Variants in ICA1 observed in about 807,000 individuals in gnomAD.
ICA1 encodes 69 kDa islet cell autoantigen.
In ICA1, 40 loss-of-function variants were observed where a neutral mutation model predicts 71.0. That is an observed-to-expected ratio of 0.56 (90% CI 0.44 to 0.73). ICA1 has a LOEUF of 0.73. Ranked by LOEUF, ICA1 falls within the 30% of genes least tolerant of loss-of-function variation. The pLI, the probability that ICA1 is intolerant of heterozygous loss-of-function variation, is 0.00. For synonymous variants in ICA1, 207 were observed against 209.5 expected (o/e 0.99, Z 0.10); for missense variants, 578 against 576.5 (o/e 1.00, Z -0.03).
At chr7:8,218,840 T>A (rs1272111858) in intron 5 of ICA1, 1 of 383,084 alleles carries the variant, frequency 2.6e-6, no homozygotes, top group Non-Finnish European at 5.0e-6. Context: ...GGCCAAGGCA[T>A]GACCACTGCC....
intron 8 of ICA1, among the ~76,000 whole-genome samples, chr7:8,147,012 T>C (rs143661694): frequency 1.5e-3 from 230 of 151,998 alleles, no homozygotes; most frequent in East Asian, 4.7e-3. Context: ...AGACTCACTT[T>C]TAAATTTTGT....
chr7:8,180,479 CCGTGAACATTCTTGTGAATGTTTTA>C (rs1273323409), intron 6 of ICA1, among the ~76,000 whole-genome samples: 4 of 152,116 alleles, frequency 2.6e-5, no homozygotes, highest in Middle Eastern at 6.3e-3. Flanking sequence ...GAAAATACTG[CCGTGAACATTCTTGTGAATGTTTTA>C]CATGAACATT....
At chr7:8,240,015 G>A (rs570931608) in intron 1 of ICA1, among the ~76,000 whole-genome samples, 25 of 152,274 alleles carry the variant, frequency 1.6e-4, no homozygotes, top group African/African-American at 5.1e-4. Context: ...AGACTTAAAC[G>A]TCCCTGTCTG....
chr7:8,248,237 G>A (rs1285327345), intron 1 of ICA1, among the ~76,000 whole-genome samples: 1 of 152,164 alleles, frequency 6.6e-6, no homozygotes, highest in Non-Finnish European at 1.5e-5. Context: ...ACTGAGTCCA[G>A]AGTCGCTTTT....
intron 13 of ICA1, chr7:8,116,476 G>A (rs1049284045): frequency 2.0e-5 from 3 of 152,192 alleles, no homozygotes; most frequent in Admixed American, 1.3e-4. Flanking sequence ...TAGGAGATAT[G>A]CATCATCGAA....
chr7:8,224,374 A>T (rs995862114), intron 4 of ICA1, among the ~76,000 whole-genome samples: 20 of 152,174 alleles, frequency 1.3e-4, no homozygotes, highest in African/African-American at 4.6e-4. Flanking sequence ...ATCACGTCCT[A>T]TGTATAAGAA....
At chr7:8,153,653 T>C (rs1274044297) in intron 8 of ICA1, among the ~76,000 whole-genome samples, 4 of 152,082 alleles carry the variant, frequency 2.6e-5, no homozygotes, top group African/African-American at 9.7e-5. Flanking sequence ...TCATTTAGTA[T>C]TTTAAAATGC....
intron 8 of ICA1, among the ~76,000 whole-genome samples, chr7:8,146,284 G>A (rs991643078): frequency 6.6e-6 from 1 of 152,142 alleles, no homozygotes; most frequent in African/African-American, 2.4e-5. Flanking sequence ...AGAGCTAAAT[G>A]ACAAGAAGGA....
intron 6 of ICA1, among the ~76,000 whole-genome samples, chr7:8,165,586 C>A (rs1805620311): frequency 6.6e-6 from 1 of 152,196 alleles, no homozygotes; most frequent in Non-Finnish European, 1.5e-5. Context: ...GTCAAGCTAT[C>A]CCTGTTTGCA....
intron 5 of ICA1, among the ~76,000 whole-genome samples, chr7:8,219,693 C>T (rs185171670): frequency 3.3e-4 from 50 of 152,312 alleles, no homozygotes; most frequent in Admixed American, 1.2e-3. Context: ...TTAATACTCA[C>T]CTTTCATCAA....
chr7:8,140,344 T>C (rs1336399481), intron 10 of ICA1, among the ~76,000 whole-genome samples: 1 of 152,156 alleles, frequency 6.6e-6, no homozygotes, highest in Non-Finnish European at 1.5e-5. Flanking sequence ...TGGAGCATGG[T>C]TTCTCTGACT....
intron 6 of ICA1, among the ~76,000 whole-genome samples, chr7:8,204,236 A>T (rs17144906): frequency 0.12 from 18,786 of 152,188 alleles, 1,471 homozygotes; most frequent in East Asian, 0.46. Context: ...GTAACCTAAT[A>T]TCACACAAGG....
intron 1 of ICA1, among the ~76,000 whole-genome samples, chr7:8,251,560 A>C (rs981228246): frequency 5.9e-5 from 9 of 151,652 alleles, no homozygotes; most frequent in Admixed American, 2.6e-4. Flanking sequence ...ATCCTTTTCA[A>C]TGATTAAAAA....
At chr7:8,218,272 A>G in intron 6 of ICA1, 33 bp downstream of exon 6, 1 of 1,577,820 alleles carries the variant, frequency 6.3e-7, no homozygotes, top group Non-Finnish European at 8.7e-7. Flanking sequence ...TCCAGCAGGT[A>G]CCCCTTCTGC....
At chr7:8,209,930 G>C (rs1292177940) in intron 6 of ICA1, among the ~76,000 whole-genome samples, 1 of 152,206 alleles carries the variant, frequency 6.6e-6, no homozygotes, top group African/African-American at 2.4e-5. Context: ...GGCAGCAGCA[G>C]GGAAGAGAGG....
rs1413363603 is a variant in ICA1, at chr7:8,218,329, G to A, written c.555C>T (p.Tyr185=). 1 of 1,614,052 alleles carries A rather than the reference G, an allele frequency of 6.2e-7. No individual in the cohort carries two copies. The highest frequency in any genetic ancestry group is 1.7e-5 in the Admixed American group (1 of 60,024). The change falls in exon 6 of 14, where the codon TAC becomes TAT. Residue 185 remains tyrosine (Y), a synonymous_variant. Transcript: ENST00000402384. ...CCTTCCTGAACTTCTCCATTTGCTT[G>A]TAGAGGTCTGGATCAAGCTCCTGAG... is the stretch of plus-strand genomic sequence containing the variant. The part of the protein sequence containing the change: ...DVSQELDPDL[Y]KQMEKFRKVQ...
chr7:8,261,738 G>A (rs2128574378), intron 1 of ICA1, among the ~76,000 whole-genome samples: 1 of 151,372 alleles, frequency 6.6e-6, no homozygotes, highest in South Asian at 2.1e-4. Context: ...CCGGGAAGGC[G>A]AGGCGCGCGG....
At chr7:8,236,252 A>C (rs1801811693) in intron 1 of ICA1, among the ~76,000 whole-genome samples, 1 of 152,266 alleles carries the variant, frequency 6.6e-6, no homozygotes, top group Non-Finnish European at 1.5e-5. Flanking sequence ...AGAAGACTAC[A>C]TAAAATATAA....
intron 6 of ICA1, among the ~76,000 whole-genome samples, chr7:8,203,188 T>C (rs1208226554): frequency 6.6e-6 from 1 of 152,146 alleles, no homozygotes; most frequent in East Asian, 1.9e-4. Flanking sequence ...AATTTTTGAG[T>C]GTCTGTGATA....
Sources: allele counts gnomAD v4.1 joint callset (sites outside exome capture counted in the v4.1 genomes callset), GRCh38; gene constraint gnomAD v4.1.1; transcripts MANE v1.5; gene names NCBI Gene and HGNC (gene_info 2026-07-23, HGNC 2026-07-21).